The following IRAK1BP1 variants were observed in gnomAD, a reference collection of about 807,000 sequenced individuals.
IRAK1BP1 encodes the protein interleukin-1 receptor-associated kinase 1-binding protein 1.
In IRAK1BP1, 24 loss-of-function variants were observed where a neutral mutation model predicts 28.0. The observed-to-expected ratio is 0.86, with a 90% CI of 0.62 to 1.20. The LOEUF (loss-of-function observed/expected upper bound fraction) is 1.20, where lower values mean the gene tolerates loss of function less well. Among genes scored for constraint, IRAK1BP1 ranks in the 50% most tolerant of loss-of-function variants. IRAK1BP1 has a pLI of 0.00. For missense variants in IRAK1BP1, 336 were observed against 316.7 expected (o/e 1.06, Z -0.46); for synonymous variants, 131 against 116.3 (o/e 1.13, Z -0.81).
At chr6:78,946,633 A>T (rs1304894903), downstream of IRAK1BP1, 16 of 1,470,128 alleles carry the variant, frequency 1.1e-5, no homozygotes, top group South Asian at 1.5e-5. Context: ...TAGTAAAGGA[A>T]GTATTAAAAA....
At chr6:78,972,293 T>G in the IRAK1BP1 span, among the ~76,000 whole-genome samples, 6 of 152,064 alleles carry the variant, frequency 3.9e-5, no homozygotes, top group Non-Finnish European at 5.9e-5. Context: ...TGCAGGGTAC[T>G]CCAACAGACC....
intron 4 of IRAK1BP1, chr6:78,935,771 C>T (rs1409968362): frequency 2.0e-6 from 2 of 983,838 alleles, no homozygotes; most frequent in Non-Finnish European, 2.4e-6. Flanking sequence ...CATATGACCA[C>T]TTTGGTAAGC....
exon 5 of IRAK1BP1, chr6:78,945,868 G>T: frequency 1.5e-6 from 1 of 683,740 alleles, no homozygotes; most frequent in Non-Finnish European, 2.5e-6. Context: ...TTTAAAATAG[G>T]AAATTAATAA....
intron 1 of IRAK1BP1, among the ~76,000 whole-genome samples, chr6:78,868,405 G>C (rs370442725): frequency 2.2e-4 from 33 of 152,220 alleles, no homozygotes; most frequent in African/African-American, 5.8e-4. Flanking sequence ...GGAAGAAGTT[G>C]CGTCCATTTT....
intron 1 of IRAK1BP1, among the ~76,000 whole-genome samples, chr6:78,880,455 A>T (rs1375611552): frequency 6.6e-6 from 1 of 152,234 alleles, no homozygotes; most frequent in Non-Finnish European, 1.5e-5. Flanking sequence ...AAACAAAAAG[A>T]TAAATTGTAT....
intron 1 of IRAK1BP1, among the ~76,000 whole-genome samples, chr6:78,884,868 G>T (rs1390377062): frequency 6.6e-6 from 1 of 151,984 alleles, no homozygotes; most frequent in Non-Finnish European, 1.5e-5. Context: ...TCATTATAAG[G>T]TAATATAAAC....
the IRAK1BP1 span, among the ~76,000 whole-genome samples, chr6:78,967,195 TAA>T: frequency 6.6e-6 from 1 of 152,048 alleles, no homozygotes; most frequent in Admixed American, 6.5e-5. Context: ...AAGAATATGA[TAA>T]AAAAGAAAAT....
chr6:78,914,738 C>T lies in IRAK1BP1; in HGVS notation c.*67+11628C>T, dbSNP rs149359372. On this transcript the variant is annotated intron_variant and NMD_transcript_variant, in intron 4 of 4. Transcript: ENST00000606868. The stretch of plus-strand genomic sequence containing the variant: ...CAACTCACTTATTAAGTGATTATGA[C>T]ATTTGGCTTAATACGATGAACAAAT... 6.4e-4 allele frequency among the ~76,000 whole-genome samples: 98 copies of T among 152,326 alleles called. 1 individual carries two copies. The South Asian group carries it at 8.1e-3, about 13-fold the overall frequency.
At chr6:78,907,728 A>T (rs558647679), downstream of IRAK1BP1, among the ~76,000 whole-genome samples, 69 of 150,672 alleles carry the variant, frequency 4.6e-4, no homozygotes, top group African/African-American at 1.3e-3. Flanking sequence ...ATTTATTATT[A>T]TTTTTTTTTG....
chr6:78,966,708 G>C, the IRAK1BP1 span, among the ~76,000 whole-genome samples: 4 of 152,170 alleles, frequency 2.6e-5, no homozygotes, highest in Admixed American at 2.0e-4. Context: ...ACCTGAACAA[G>C]CTATAAATGC....
At chr6:78,926,976 T>C (rs906861870) in intron 4 of IRAK1BP1, among the ~76,000 whole-genome samples, 3 of 152,164 alleles carry the variant, frequency 2.0e-5, no homozygotes, top group Admixed American at 2.0e-4. Context: ...CTTCCAAATC[T>C]TGGCTACTGT....
chr6:78,970,694 T>C, the IRAK1BP1 span: 179 of 797,094 alleles, frequency 2.2e-4, no homozygotes, highest in East Asian at 3.3e-3. Context: ...CAGTTTCTTA[T>C]TGTGTTAATA....
rs1033541285 is a variant in IRAK1BP1 at position 78,908,691 on chromosome 6, G to A, written c.*67+5581G>A. ...CAATAGGTGCCTACATATTGCTAGC[G>A]TGTGCACATCTACCAGAAGAACTTC... On this transcript the variant is annotated intron_variant and NMD_transcript_variant, in intron 4 of 4. Coordinates refer to the IRAK1BP1 transcript ENST00000606868. 1.3e-4 allele frequency among the ~76,000 whole-genome samples: 20 copies of A among 152,152 alleles called. 1 individual carries two copies. The highest frequency in any genetic ancestry group is 8.3e-4 in the South Asian group (4 of 4,828).
At chr6:78,970,993 T>A in the IRAK1BP1 span, 1 of 707,310 alleles carries the variant, frequency 1.4e-6, no homozygotes, top group Admixed American at 3.3e-5. Flanking sequence ...CCTTTTCAGC[T>A]AATAGAAATT....
downstream of IRAK1BP1, among the ~76,000 whole-genome samples, chr6:78,905,207 G>A (rs1772231094): frequency 6.6e-6 from 1 of 150,822 alleles, no homozygotes; most frequent in African/African-American, 2.5e-5. Flanking sequence ...CAACGCTTTA[G>A]AAGTGTTTTC....
chr6:78,877,866 C>G (rs996015744), intron 1 of IRAK1BP1, among the ~76,000 whole-genome samples: 3 of 152,116 alleles, frequency 2.0e-5, no homozygotes, highest in Non-Finnish European at 4.4e-5. Context: ...CTCAGAGGGT[C>G]CCACACCCAC....
chr6:78,975,530 TAGGC>T, the IRAK1BP1 span, among the ~76,000 whole-genome samples: 97 of 152,192 alleles, frequency 6.4e-4, 1 homozygote, highest in South Asian at 8.1e-3. Context: ...CCAGGGCAAT[TAGGC>T]AGGAGAAGGA....
chr6:78,883,041 G>A (rs562531331), intron 1 of IRAK1BP1, among the ~76,000 whole-genome samples: 1 of 152,240 alleles, frequency 6.6e-6, no homozygotes, highest in East Asian at 1.9e-4. Flanking sequence ...AGGATCACTT[G>A]AGGCCAGGAA....
At chr6:78,886,161 G>A (rs887440225) in intron 2 of IRAK1BP1, among the ~76,000 whole-genome samples, 1 of 152,132 alleles carries the variant, frequency 6.6e-6, no homozygotes, top group Non-Finnish European at 1.5e-5. Flanking sequence ...GAAGTAGAAA[G>A]TATCTCCATC....
Sources: allele counts gnomAD v4.1 joint callset (sites outside exome capture counted in the v4.1 genomes callset), GRCh38; gene constraint gnomAD v4.1.1; transcripts MANE v1.5; gene names NCBI Gene and HGNC (gene_info 2026-07-23, HGNC 2026-07-21).